PCDHGB1: variants seen among roughly 807,000 people sequenced by gnomAD.
The protein encoded by PCDHGB1 is protocadherin gamma subfamily B, 1, also known as protocadherin gamma-B1.
Under a neutral mutation model 56.6 loss-of-function variants are expected in PCDHGB1, and 34 were observed. The observed-to-expected ratio is 0.60, with a 90% confidence interval of 0.46 to 0.80. The LOEUF (loss-of-function observed/expected upper bound fraction) is 0.80. Among genes scored for constraint, PCDHGB1 ranks in the 30% least tolerant of loss-of-function variants. The probability of loss-of-function intolerance (pLI) is 0.00; values close to 1 mark genes in which losing one functional copy is unlikely to be tolerated. For synonymous variants in PCDHGB1, 561 were observed against 505.9 expected, an observed-to-expected ratio of 1.11 and a Z score of -1.46; for missense variants, 1,278 against 1,204.6, an observed-to-expected ratio of 1.06 and a Z score of -0.90.
rs3074545 is a variant in PCDHGB1, at chr5:141,482,530, C to CAAAAAAA, written c.2410-12264_2410-12258dup. On this transcript the variant is annotated intron_variant, in intron 1 of 3. Coordinates refer to ENST00000523390, the MANE Select transcript of PCDHGB1 (RefSeq NM_018922.3). ...CAGAGTACAGTATGAGACAGACATG[C>CAAAAAAA]AAAAAAAAAAAAAAAAAAAGATAAT... Among the ~76,000 whole-genome samples the CAAAAAAA allele has an allele frequency of 6.5e-4, 50 of 76,534 alleles. 2 individuals are homozygous for CAAAAAAA. The highest frequency in any genetic ancestry group is 1.7e-3 in the African/African-American group (35 of 20,860). 50.2% of individuals were successfully genotyped at this position (76,534 alleles called of 152,430 possible).
chr5:141,462,512 A>C (rs1169461013), intron 1 of PCDHGB1, among the ~76,000 whole-genome samples: 1 of 152,106 alleles, frequency 6.6e-6, no homozygotes, highest in Non-Finnish European at 1.5e-5. Flanking sequence ...AACTAGATCA[A>C]GTTAGTAAGA....
At chr5:141,378,810 A>G (rs920121754) in intron 1 of PCDHGB1, 1 of 152,256 alleles carries the variant, frequency 6.6e-6, no homozygotes, top group Non-Finnish European at 1.5e-5. Context: ...TGCAAACAGA[A>G]TCATTGTTTC....
At chr5:141,464,264 A>G (rs1357786078) in intron 1 of PCDHGB1, among the ~76,000 whole-genome samples, 2 of 130,598 alleles carry the variant, frequency 1.5e-5, no homozygotes, top group East Asian at 4.2e-4. Flanking sequence ...GACTCCGTCT[A>G]AAAAAAAAAA....
At chr5:141,453,379 C>T (rs980792532) in intron 1 of PCDHGB1, among the ~76,000 whole-genome samples, 1 of 152,050 alleles carries the variant, frequency 6.6e-6, no homozygotes, top group Non-Finnish European at 1.5e-5. Context: ...AGTGATCCTC[C>T]TGCCTTAGCC....
rs748115530 is a variant in PCDHGB1 at position 141,489,429 on chromosome 5, G to C, written c.2410-5378G>C. 5 of 1,614,022 alleles carry C rather than the reference G, an allele frequency of 3.1e-6. No individual in the cohort carries two copies. The East Asian group carries it at 8.9e-5, about 29-fold the overall frequency. ...AGATGACAGATCTGTTGAGCCGGCG[G>C]CTGCAATTGGGCTCTGAGGAGAATG... On this transcript the variant is annotated intron_variant, in intron 1 of 3. Transcript: ENST00000523390. The surrounding 1 kb of genome is among the most constrained non-coding windows in gnomAD (Gnocchi z 4.5).
chr5:141,414,659 T>C lies in PCDHGB1; in HGVS notation c.2409+61990T>C, dbSNP rs566999623. On this transcript the variant is annotated intron_variant, in intron 1 of 3. Coordinates refer to ENST00000523390, the MANE Select transcript of PCDHGB1 (RefSeq NM_018922.3). ...GAGAATGCCCAGATTATTTACTCCC[T>C]GGCTGAAGACACCATCCAGGGGGTA... 21 of 1,614,010 alleles carry C rather than the reference T, an allele frequency of 1.3e-5. No homozygotes were observed. In the South Asian group the frequency reaches 2.2e-4, roughly 17 times the overall value.
At chr5:141,394,494 G>A (rs771645801) in intron 1 of PCDHGB1, 4 of 1,614,200 alleles carry the variant, frequency 2.5e-6, no homozygotes, top group Non-Finnish European at 1.7e-6. Flanking sequence ...CAACGCGCCC[G>A]AGATCCTGTA....
chr5:141,416,441 T>C (rs2096024396), intron 1 of PCDHGB1: 1 of 152,162 alleles, frequency 6.6e-6, no homozygotes, highest in Non-Finnish European at 1.5e-5. Flanking sequence ...TGAAAGTAAA[T>C]ATGGGTTGGG....
chr5:141,374,528 T>A (rs759567011), intron 1 of PCDHGB1: 1 of 1,613,048 alleles, frequency 6.2e-7, no homozygotes. Flanking sequence ...CGCAGCTCCA[T>A]CCTCTCGTTT....
intron 1 of PCDHGB1, among the ~76,000 whole-genome samples, chr5:141,449,264 C>T (rs2098633342): frequency 6.6e-6 from 1 of 152,056 alleles, no homozygotes; most frequent in African/African-American, 2.4e-5. Flanking sequence ...GTACAAAGAA[C>T]TGTATCTCCT....
intron 1 of PCDHGB1, chr5:141,389,929 T>A: frequency 6.2e-7 from 1 of 1,614,012 alleles, no homozygotes; most frequent in Non-Finnish European, 8.5e-7. Context: ...CCCTCTGACC[T>A]CCAGGCTGAG....
intron 1 of PCDHGB1, chr5:141,370,522 G>A: frequency 6.2e-7 from 1 of 1,613,884 alleles, no homozygotes; most frequent in Non-Finnish European, 8.5e-7. Context: ...GAGCTGGACA[G>A]GGGCTCGCTG....
intron 1 of PCDHGB1, chr5:141,409,609 C>T: frequency 1.2e-6 from 2 of 1,613,938 alleles, no homozygotes; most frequent in Non-Finnish European, 1.7e-6. Flanking sequence ...CGCCAGGAGC[C>T]TCCATTGCGC....
intron 1 of PCDHGB1, chr5:141,395,872 T>G (rs950924655): frequency 2.0e-5 from 3 of 152,138 alleles, no homozygotes; most frequent in Non-Finnish European, 4.4e-5. Context: ...ATTAAGTATG[T>G]GAGTCAGTGG....
At chr5:141,425,379 G>A (rs1330938768) in intron 1 of PCDHGB1, among the ~76,000 whole-genome samples, 7 of 152,152 alleles carry the variant, frequency 4.6e-5, no homozygotes, top group African/African-American at 4.8e-5. Context: ...ATGTTGATTC[G>A]GAGGTAGTGA....
chr5:141,365,504 T>G, intron 1 of PCDHGB1: 1 of 1,613,984 alleles, frequency 6.2e-7, no homozygotes, highest in Non-Finnish European at 8.5e-7. Flanking sequence ...GAATTTGCCT[T>G]TTAAATTGGA....
rs1486545769 is a variant in PCDHGB1 at position 141,431,780 on chromosome 5, A to T, written c.2410-63027A>T. On this transcript the variant is annotated intron_variant, in intron 1 of 3. Coordinates refer to ENST00000523390, the MANE Select transcript of PCDHGB1 (RefSeq NM_018922.3). This position sits in a 1 kb window ranked among gnomAD's most constrained non-coding sequence, Gnocchi z 4.8. The stretch of plus-strand genomic sequence containing the variant: ...AGTCCTGATCACTGTTCTGGACGTG[A>T]ACGACAATGCCCCAGAAGTGGTCCT... 4 of 1,614,086 alleles carry T rather than the reference A, an allele frequency of 2.5e-6. No homozygotes were observed. The highest frequency in any genetic ancestry group is 3.4e-6 in the Non-Finnish European group (4 of 1,180,028).
intron 1 of PCDHGB1, 127 bp downstream of exon 1, chr5:141,352,796 C>T: frequency 1.0e-6 from 1 of 954,356 alleles, no homozygotes; most frequent in Non-Finnish European, 1.5e-6. Context: ...TTGAGACCAG[C>T]ATAGCCAAGA....
At chr5:141,498,222 T>A (rs1258826914) in intron 2 of PCDHGB1, among the ~76,000 whole-genome samples, 1 of 152,218 alleles carries the variant, frequency 6.6e-6, no homozygotes, top group East Asian at 1.9e-4. Flanking sequence ...GCATTCCAGA[T>A]GGTCAGGCAT....
Sources: allele counts gnomAD v4.1 joint callset (sites outside exome capture counted in the v4.1 genomes callset), GRCh38; gene constraint gnomAD v4.1.1; non-coding constraint Gnocchi (gnomAD v3.1); transcripts MANE v1.5; gene names NCBI Gene and HGNC (gene_info 2026-07-23, HGNC 2026-07-21).